The following TG variants were observed in gnomAD, a reference collection of about 807,000 sequenced individuals.
TG encodes thyroglobulin.
Under a neutral mutation model 324.7 loss-of-function variants are expected in TG, and 270 were observed. The observed-to-expected ratio is 0.83, with a 90% CI of 0.75 to 0.92. The LOEUF (loss-of-function observed/expected upper bound fraction) is 0.92. TG is among the 40% of genes least tolerant of loss of function. The pLI is 0.00. For synonymous variants in TG, 1,401 were observed against 1,327.0 expected (o/e 1.06, Z -1.21); for missense variants, 3,591 against 3,456.4 (o/e 1.04, Z -0.98).
chr8:132,901,257 G>A (rs1817884140), intron 15 of TG, 96 bp from the exon 16 acceptor site: 1 of 1,461,430 alleles, frequency 6.8e-7, no homozygotes, highest in Non-Finnish European at 9.5e-7. Flanking sequence ...AGGCAGGTGG[G>A]CTGAGGGTGG....
intron 35 of TG, among the ~76,000 whole-genome samples, chr8:132,994,442 C>A (rs1185017392): frequency 6.6e-6 from 1 of 152,158 alleles, no homozygotes; most frequent in Non-Finnish European, 1.5e-5. Flanking sequence ...CCTGGGGCTC[C>A]TCAGGCCCTT....
intron 43 of TG, chr8:133,102,256 G>A: frequency 3.1e-6 from 1 of 319,376 alleles, no homozygotes; most frequent in Non-Finnish European, 5.8e-6. Flanking sequence ...AAACACAAAT[G>A]CATGCTCTCT....
chr8:132,886,317 A>T, intron 8 of TG, 131 bp from the exon 9 acceptor site: 3 of 1,280,448 alleles, frequency 2.3e-6, no homozygotes, highest in Non-Finnish European at 3.3e-6. Context: ...CACAGAGAAG[A>T]AAGTGGTTTC....
chr8:133,116,590 C>A lies in TG; in HGVS notation c.7755-19C>A, dbSNP rs950014694. 6.2e-7 allele frequency: 1 copy of A among 1,604,992 alleles called. No individual in the cohort carries two copies. Among genetic ancestry groups the A allele is most frequent in the Admixed American group, 1.7e-5 (1 of 60,022 alleles). Reference sequence around the variant, plus strand: ...GAGCCATGTTTAACCAGACTCCCCCCATGTTCTCTTTTCACCAGGGACTAC... The same window carrying A: ...GAGCCATGTTTAACCAGACTCCCCCAATGTTCTCTTTTCACCAGGGACTAC... On this transcript the variant is annotated intron_variant, in intron 44 of 47. Transcript: ENST00000220616.
At chr8:133,041,895 C>A (rs1838327372) in intron 41 of TG, among the ~76,000 whole-genome samples, 1 of 148,974 alleles carries the variant, frequency 6.7e-6, no homozygotes, top group Non-Finnish European at 1.5e-5. Flanking sequence ...TCAAGTGATT[C>A]TCTTGCCTCA....
At chr8:133,108,840 T>C (rs1176706177) in intron 43 of TG, among the ~76,000 whole-genome samples, 1 of 152,220 alleles carries the variant, frequency 6.6e-6, no homozygotes, top group African/African-American at 2.4e-5. Context: ...GCAAATAAAC[T>C]AACATCACAG....
chr8:132,871,608 C>T (rs1230167276), intron 4 of TG, 57 bp downstream of exon 4: 7 of 1,551,334 alleles, frequency 4.5e-6, no homozygotes, highest in Non-Finnish European at 6.2e-6. Flanking sequence ...AAGCTTTCCT[C>T]ACTGCGATCC....
At chr8:133,133,752 G>A in intron 47 of TG, 92 bp downstream of exon 47, 2 of 1,411,312 alleles carry the variant, frequency 1.4e-6, no homozygotes, top group Non-Finnish European at 9.8e-7. Flanking sequence ...CGCGCGCATT[G>A]GAGCCAAGGG....
chr8:132,930,919 C>G (rs534411862), intron 23 of TG, among the ~76,000 whole-genome samples: 11 of 152,158 alleles, frequency 7.2e-5, no homozygotes, highest in Non-Finnish European at 7.3e-5. Flanking sequence ...ATCAGACAAA[C>G]GAGAGCAGAG....
intron 41 of TG, among the ~76,000 whole-genome samples, chr8:133,083,734 T>C (rs1490390375): frequency 6.6e-6 from 1 of 152,202 alleles, no homozygotes; most frequent in East Asian, 1.9e-4. Context: ...TGAAGAGGAT[T>C]TGAAGAGGAT....
At position 133,096,374 on chromosome 8, in the gene TG, G is replaced by A. The variant is rs1183117378; in HGVS notation, c.7572+1G>A. 1 of 1,614,198 alleles carries A rather than the reference G, an allele frequency of 6.2e-7. No homozygotes were observed. Among genetic ancestry groups the A allele is most frequent in the Admixed American group, 1.7e-5 (1 of 60,032 alleles). On this transcript the variant is annotated splice_donor_variant, in intron 43 of 47. Coordinates refer to ENST00000220616, the MANE Select transcript of TG (RefSeq NM_003235.5). LOFTEE classifies it high-confidence loss of function. ...CATCAACAGAGCAAAGGCTGTGAAG[G>A]TAAGCAGGGAGGGGGCCTCGGATGT... is the stretch of plus-strand genomic sequence containing the variant.
chr8:133,095,172 G>C lies in TG; in HGVS notation c.7368G>C (p.Gln2456His), dbSNP rs1848214711. The C allele has an allele frequency of 1.2e-6, 2 of 1,614,240 alleles. No individual in the cohort carries two copies. The highest frequency in any genetic ancestry group is 4.5e-5 in the East Asian group (2 of 44,890). ...AAGAAGTGGTGTCCTGCCTCCGCCA[G>C]AAGCCTGCCAATGTCCTCAATGATG... ...SSQEVVSCLR[Q>H]KPANVLNDAQ... Residue 2456 changes from glutamine to histidine, a missense_variant, in exon 42 of 48, where the codon CAG becomes CAC. Coordinates refer to ENST00000220616, the MANE Select transcript of TG (RefSeq NM_003235.5).
At chr8:133,087,084 A>G (rs1309337981) in intron 41 of TG, among the ~76,000 whole-genome samples, 6 of 46,196 alleles carry the variant, frequency 1.3e-4, no homozygotes, top group African/African-American at 4.4e-4. Context: ...ACACACACAC[A>G]CACACACACA....
intron 41 of TG, among the ~76,000 whole-genome samples, chr8:133,061,741 C>T (rs796618353): frequency 2.6e-5 from 4 of 152,170 alleles, no homozygotes; most frequent in African/African-American, 9.7e-5. Context: ...GCACAAAAGT[C>T]AGCCCATCCA....
intron 35 of TG, among the ~76,000 whole-genome samples, chr8:132,997,411 A>T (rs1287100703): frequency 6.6e-6 from 1 of 152,182 alleles, no homozygotes; most frequent in African/African-American, 2.4e-5. Flanking sequence ...TTTGGTGGTC[A>T]TTAGCATGTC....
At chr8:133,094,368 G>A (rs1355248883) in intron 41 of TG, among the ~76,000 whole-genome samples, 2 of 150,478 alleles carry the variant, frequency 1.3e-5, no homozygotes, top group Admixed American at 6.7e-5. Flanking sequence ...AGCCTCCCAA[G>A]TAGCAGGGAC....
intron 41 of TG, among the ~76,000 whole-genome samples, chr8:133,045,736 T>G (rs1839252791): frequency 6.6e-6 from 1 of 152,118 alleles, no homozygotes; most frequent in Admixed American, 6.5e-5. Flanking sequence ...TTGGGGTGCT[T>G]CCACATCCTG....
intron 34 of TG, among the ~76,000 whole-genome samples, chr8:132,981,274 T>C (rs1830813172): frequency 6.6e-6 from 1 of 152,218 alleles, no homozygotes; most frequent in African/African-American, 2.4e-5. Context: ...ACCATTCTCA[T>C]AGTGTTCAGC....
In TG at chr8:132,929,153, G is replaced by T. The variant is rs1053887198; in HGVS notation, c.4777G>T (p.Val1593Phe). 1.9e-6 allele frequency: 3 copies of T among 1,614,164 alleles called. No homozygotes were observed. The highest frequency in any genetic ancestry group is 2.5e-6 in the Non-Finnish European group (3 of 1,180,026). ...ANAPVAVRSK[V>F]PDSEFPVMQC... Reference sequence around the variant, plus strand: ...TGCTCCTGTGGCTGTCAGATCCAAAGTTCCTGATTCTGAGTTCCCCGTGAT... The same window carrying T: ...TGCTCCTGTGGCTGTCAGATCCAAATTTCCTGATTCTGAGTTCCCCGTGAT... The change falls in exon 23 of 48, where the codon GTT becomes TTT. Residue 1593 changes from valine (V) to phenylalanine (F), a missense_variant. Transcript: ENST00000220616.
Sources: allele counts gnomAD v4.1 joint callset (sites outside exome capture counted in the v4.1 genomes callset), GRCh38; gene constraint gnomAD v4.1.1; transcripts MANE v1.5; gene names NCBI Gene and HGNC (gene_info 2026-07-23, HGNC 2026-07-21).